Variants in CDHR1 observed in about 807,000 individuals in gnomAD.
The protein encoded by CDHR1 is cadherin related family member 1, also known as cadherin-related family member 1.
In CDHR1, 61 loss-of-function variants were observed where a neutral mutation model predicts 72.1. The observed-to-expected ratio is 0.85, with a 90% CI of 0.69 to 1.05. CDHR1 has a LOEUF of 1.05. Among genes scored for constraint, CDHR1 ranks in the 50% least tolerant of loss-of-function variants. The pLI, the probability that CDHR1 is intolerant of heterozygous loss-of-function variation, is 0.00. For missense variants in CDHR1, 1,186 were observed against 1,115.7 expected (o/e 1.06, Z -0.90); for synonymous variants, 470 against 448.1 (o/e 1.05, Z -0.62).
Position 84,200,540 on chromosome 10 carries a change from C to T in CDHR1, c.439-61C>T, listed in dbSNP as rs10788334. The T allele has an allele frequency of 0.45, 527,128 of 1,165,344 alleles. 122,355 individuals carry two copies. The highest frequency in any genetic ancestry group is 0.68 in the African/African-American group (44,879 of 65,558). The allele number at this position is 1,165,344 out of a possible 1,614,324, so 72.2% of individuals were successfully genotyped here. A position where few individuals can be genotyped will look rare whatever the true frequency, so the allele number is the denominator to read the frequency against. ...CCCACTGCTGCATGCCCCTATGCCTCTGTCCCCCTGAGAATGCTGTCACTG... is the reference window on the plus strand; with the variant it reads ...CCCACTGCTGCATGCCCCTATGCCTTTGTCCCCCTGAGAATGCTGTCACTG... On this transcript the variant is annotated intron_variant, in intron 5 of 16. Transcript: ENST00000623527.
intron 3 of CDHR1, among the ~76,000 whole-genome samples, chr10:84,197,137 G>T (rs111478658): frequency 3.9e-5 from 6 of 152,170 alleles, no homozygotes; most frequent in African/African-American, 1.4e-4. Flanking sequence ...TAGCAGCCTG[G>T]TGTGTGGCTA....
chr10:84,211,757 G>T (rs762553532), intron 14 of CDHR1, 42 bp downstream of exon 14: 1 of 1,553,582 alleles, frequency 6.4e-7, no homozygotes, highest in South Asian at 1.1e-5. Flanking sequence ...TGGGCAAGGG[G>T]ATTGGAAGGC....
At chr10:84,197,288 C>T (rs928749405) in intron 3 of CDHR1, among the ~76,000 whole-genome samples, 1 of 152,146 alleles carries the variant, frequency 6.6e-6, no homozygotes, top group South Asian at 2.1e-4. Context: ...CAGTACCCCA[C>T]TCCCTGGCAC....
chr10:84,209,026 G>T, intron 12 of CDHR1, 145 bp downstream of exon 12: 1 of 925,038 alleles, frequency 1.1e-6, no homozygotes, highest in South Asian at 1.4e-5. Context: ...TGCCCCTCCT[G>T]CAGATTGCTC....
In CDHR1 at chr10:84,209,940, T is replaced by C. The variant is rs145599968; in HGVS notation, c.1320+1059T>C. 3.8e-4 allele frequency among the ~76,000 whole-genome samples: 58 copies of C among 152,298 alleles called. 1 individual carries two copies. Among genetic ancestry groups the C allele is most frequent in the African/African-American group, 1.3e-3 (54 of 41,558 alleles). ...CTCCTTAAGTTAATAAAGAATTTGG[T>C]TGGGCGTGGTGGCTCACACCTGTAA... On this transcript the variant is annotated intron_variant, in intron 12 of 16. Transcript: ENST00000623527.
In CDHR1 at chr10:84,216,208, T is replaced by G. The variant is rs1024915235; in HGVS notation, c.*1587T>G. On this transcript the variant is annotated 3_prime_UTR_variant, in exon 17 of 17. Coordinates refer to ENST00000623527, the MANE Select transcript of CDHR1 (RefSeq NM_033100.4). ...TAACAACCCCTCTAGAATACATTGG[T>G]GATTTCATTTAAAGAGATTGTATGC... 1.0e-6 allele frequency: 1 copy of G among 985,500 alleles called. No homozygotes were observed. The highest frequency in any genetic ancestry group is 5.2e-4 in the Middle Eastern group (1 of 1,914). The allele number at this position is 985,500 out of a possible 1,614,324, so 61.0% of individuals were successfully genotyped here. A position where few individuals can be genotyped will look rare whatever the true frequency, so the allele number is the denominator to read the frequency against.
chr10:84,207,982 G>T (rs904237663), intron 10 of CDHR1, among the ~76,000 whole-genome samples, 192 bp from the exon 11 acceptor site: 2 of 152,178 alleles, frequency 1.3e-5, no homozygotes, highest in Non-Finnish European at 2.9e-5. Flanking sequence ...CAAGACAGAC[G>T]TTACAATCTC....
At chr10:84,198,248 G>A (rs747678217) in intron 4 of CDHR1, among the ~76,000 whole-genome samples, 1 of 152,192 alleles carries the variant, frequency 6.6e-6, no homozygotes, top group Non-Finnish European at 1.5e-5. Flanking sequence ...TGGCCTCCAG[G>A]CTCTCCGACC....
At chr10:84,200,735 C>T (rs976934564) in intron 6 of CDHR1, 48 bp downstream of exon 6, 5 of 1,369,150 alleles carry the variant, frequency 3.7e-6, no homozygotes, top group Non-Finnish European at 2.1e-6. Context: ...CCGGAGGGGA[C>T]ACCTAGATGG....
In CDHR1 at chr10:84,217,528, T is replaced by C; in HGVS notation, c.*2907T>C. ...CAAGTCTCTCTGGGCCTCACTTTCC[T>C]CATTAACACAGGGTGCAAAGTATGG... On this transcript the variant is annotated 3_prime_UTR_variant, in exon 17 of 17. Coordinates refer to ENST00000623527, the MANE Select transcript of CDHR1 (RefSeq NM_033100.4). 1.0e-6 allele frequency: 1 copy of C among 978,504 alleles called. No individual in the cohort carries two copies. Among genetic ancestry groups the C allele is most frequent in the Non-Finnish European group, 1.2e-6 (1 of 823,606 alleles). 60.6% of individuals were successfully genotyped at this position (978,504 alleles called of 1,614,324 possible).
At position 84,214,875 on chromosome 10, in the gene CDHR1, A is replaced by G; in HGVS notation, c.*254A>G. 7.0e-7 allele frequency: 1 copy of G among 1,435,786 alleles called. No homozygotes were observed. Among genetic ancestry groups the G allele is most frequent in the South Asian group, 1.5e-5 (1 of 67,902 alleles). The allele number at this position is 1,435,786 out of a possible 1,614,324, so 88.9% of individuals were successfully genotyped here. A position where few individuals can be genotyped will look rare whatever the true frequency, so the allele number is the denominator to read the frequency against. On this transcript the variant is annotated 3_prime_UTR_variant, in exon 17 of 17. Coordinates refer to ENST00000623527, the MANE Select transcript of CDHR1 (RefSeq NM_033100.4). ...ATTGGCAAATACGTCCCCGTTACTCAAATCCTTGGCACTACTACAATGCCC... is the reference window on the plus strand; with the variant it reads ...ATTGGCAAATACGTCCCCGTTACTCGAATCCTTGGCACTACTACAATGCCC...
chr10:84,202,872 C>A, intron 7 of CDHR1, 108 bp from the exon 8 acceptor site: 1 of 1,208,450 alleles, frequency 8.3e-7, no homozygotes, highest in Non-Finnish European at 1.2e-6. Context: ...TTGGAGAGGA[C>A]AGCTGGCCTC....
rs1842400484 is a variant in CDHR1 at position 84,214,746 on chromosome 10, C to A, written c.*125C>A. On this transcript the variant is annotated 3_prime_UTR_variant, in exon 17 of 17. Transcript: ENST00000623527. The stretch of plus-strand genomic sequence containing the variant: ...CCCTGTTTTGCACAATGGTATAATC[C>A]CCACTGTCCTCATCTCTACCGCCAC... 2 of 1,547,710 alleles carry A rather than the reference C, an allele frequency of 1.3e-6. No individual in the cohort carries two copies. The highest frequency in any genetic ancestry group is 1.2e-5 in the South Asian group (1 of 84,086).
chr10:84,208,286 C>T lies in CDHR1; in HGVS notation c.1076C>T (p.Pro359Leu), dbSNP rs1482285962. 1 of 1,613,992 alleles carries T rather than the reference C, an allele frequency of 6.2e-7. No homozygotes were observed. The highest frequency in any genetic ancestry group is 8.5e-7 in the Non-Finnish European group (1 of 1,180,024). Residue 359 changes from proline (P) to leucine (L), a missense_variant, in exon 11 of 17, where the codon CCC becomes CTC. Physicochemically the swap from Pro to Leu is moderately conservative, Grantham distance 98. Coordinates refer to ENST00000623527, the MANE Select transcript of CDHR1 (RefSeq NM_033100.4). Reference protein sequence around the residue: ...HPPTFYGESGPQNRFELSMNE... With the variant: ...HPPTFYGESGLQNRFELSMNE... ...CCAACATTCTATGGAGAGAGCGGAC[C>T]CCAAAACAGGTTTGAGCTGTCCATG...
In CDHR1 at chr10:84,199,066, C is replaced by T; in HGVS notation, c.383C>T (p.Ala128Val). 1.3e-6 allele frequency: 2 copies of T among 1,551,716 alleles called. No homozygotes were observed. The highest frequency in any genetic ancestry group is 1.7e-6 in the Non-Finnish European group (2 of 1,147,030). The change falls in exon 5 of 17, where the codon GCC becomes GTC. Residue 128 changes from alanine to valine, a missense_variant. Physicochemically the swap from Ala to Val is moderately conservative, Grantham distance 64 (BLOSUM62 0). Coordinates refer to ENST00000623527, the MANE Select transcript of CDHR1 (RefSeq NM_033100.4). Reference sequence around the variant, plus strand: ...AAAGTCGTGATCCTGGTGACCGATGCCAATGATGAGGCGCCCAGGTTCATC... The same window carrying T: ...AAAGTCGTGATCCTGGTGACCGATGTCAATGATGAGGCGCCCAGGTTCATC... ...AEKVVILVTD[A>V]NDEAPRFIQE... is the part of the protein sequence containing the mutation.
chr10:84,206,238 T>C (rs963531761), intron 10 of CDHR1, among the ~76,000 whole-genome samples: 1 of 151,978 alleles, frequency 6.6e-6, no homozygotes, highest in African/African-American at 2.4e-5. Context: ...AAGCCCAGGC[T>C]GGAGGGGAGA....
Position 84,212,327 on chromosome 10 carries a change from GATGTCA to G in CDHR1, c.1706_1711del (p.Val569_Asn570del). The G allele has an allele frequency of 6.2e-7, 1 of 1,614,206 alleles. No homozygotes were observed. Among genetic ancestry groups the G allele is most frequent in the Non-Finnish European group, 8.5e-7 (1 of 1,180,044 alleles). On this transcript the variant is annotated inframe_deletion, in exon 15 of 17. Transcript: ENST00000623527. ...AGCTGAGGTGTTTATCACACTGCTGGATGTCAATGACCACCCCCCTCAGTTTGGAAA... is the reference window on the plus strand; with the variant it reads ...AGCTGAGGTGTTTATCACACTGCTGGATGACCACCCCCCTCAGTTTGGAAA...
chr10:84,208,411 C>T (rs1336313433), intron 11 of CDHR1, 34 bp downstream of exon 11: 9 of 1,608,028 alleles, frequency 5.6e-6, no homozygotes, highest in Non-Finnish European at 7.7e-6. Flanking sequence ...TGCCTTCTCA[C>T]AAACGGTATG....
At chr10:84,196,470 C>A in intron 2 of CDHR1, 35 bp from the exon 3 acceptor site, 1 of 1,613,906 alleles carries the variant, frequency 6.2e-7, no homozygotes, top group South Asian at 1.1e-5. Context: ...AGTTGGGTCT[C>A]AGATTCTATG....
Sources: allele counts gnomAD v4.1 joint callset (sites outside exome capture counted in the v4.1 genomes callset), GRCh38; gene constraint gnomAD v4.1.1; transcripts MANE v1.5; gene names NCBI Gene and HGNC (gene_info 2026-07-23, HGNC 2026-07-21).